LRP1B: variants seen among roughly 807,000 people sequenced by gnomAD.
The protein encoded by LRP1B is low-density lipoprotein receptor-related protein 1B.
In LRP1B, 217 loss-of-function variants were observed where a neutral mutation model predicts 556.6. The observed-to-expected ratio is 0.39, with a 90% confidence interval of 0.35 to 0.44. LRP1B has a LOEUF of 0.44. LRP1B is among the 20% of genes least tolerant of loss of function. LRP1B has a pLI of 1.00. For missense variants in LRP1B, 5,053 were observed against 5,620.8 expected, an observed-to-expected ratio of 0.90 and a Z score of 3.23; for synonymous variants, 2,047 against 1,865.8, an observed-to-expected ratio of 1.10 and a Z score of -2.50.
At chr2:140,608,624 C>A (rs1054690239) in intron 41 of LRP1B, among the ~76,000 whole-genome samples, 1 of 152,150 alleles carries the variant, frequency 6.6e-6, no homozygotes, top group African/African-American at 2.4e-5. Flanking sequence ...TTATTGTCAT[C>A]CCCCAAGCAG....
At chr2:141,325,524 G>A (rs1687401520) in intron 3 of LRP1B, among the ~76,000 whole-genome samples, 1 of 152,092 alleles carries the variant, frequency 6.6e-6, no homozygotes, top group South Asian at 2.1e-4. Context: ...AGTTCTGTTT[G>A]TTGTTTAGAT....
At chr2:141,749,841 CTGGGGA>C (rs933912736) in intron 2 of LRP1B, among the ~76,000 whole-genome samples, 1 of 152,078 alleles carries the variant, frequency 6.6e-6, no homozygotes, top group Non-Finnish European at 1.5e-5. Flanking sequence ...GTAAAATATC[CTGGGGA>C]TTGAAGGTGA....
At chr2:140,704,330 G>T (rs890006368) in intron 37 of LRP1B, among the ~76,000 whole-genome samples, 6 of 151,948 alleles carry the variant, frequency 3.9e-5, no homozygotes, top group Non-Finnish European at 7.4e-5. Context: ...TTTAATAGTT[G>T]ATATTTTTCT....
intron 32 of LRP1B, among the ~76,000 whole-genome samples, chr2:140,786,440 C>G (rs1036561678): frequency 6.6e-6 from 1 of 152,204 alleles, no homozygotes; most frequent in African/African-American, 2.4e-5. Flanking sequence ...CGCCCCTCCA[C>G]CTGGACAATC....
chr2:141,861,801 G>A (rs1698247735), intron 1 of LRP1B, among the ~76,000 whole-genome samples: 1 of 151,950 alleles, frequency 6.6e-6, no homozygotes, highest in Non-Finnish European at 1.5e-5. Context: ...ATGATGGCAG[G>A]TGCCTATAGT....
chr2:140,292,712 G>A (rs912829979), intron 84 of LRP1B, among the ~76,000 whole-genome samples: 5 of 152,058 alleles, frequency 3.3e-5, no homozygotes, highest in Non-Finnish European at 5.9e-5. Context: ...TGAGTTTATT[G>A]AGAATAGAAA....
chr2:140,733,428 A>T lies in LRP1B; in HGVS notation c.5759-16612T>A, dbSNP rs540044856. On this transcript the variant is annotated intron_variant, in intron 35 of 90. Transcript: ENST00000389484. ...AGCTGTGTATAAGAAAGGCCAAAGTATTATTTTGAATATAAGAGCCAAAAA... is the reference window on the plus strand; with the variant it reads ...AGCTGTGTATAAGAAAGGCCAAAGTTTTATTTTGAATATAAGAGCCAAAAA... Among the ~76,000 whole-genome samples, 12 of 152,284 alleles carry T rather than the reference A, an allele frequency of 7.9e-5. No individual in the cohort carries two copies. The East Asian group carries it at 1.7e-3, about 22-fold the overall frequency.
intron 3 of LRP1B, among the ~76,000 whole-genome samples, chr2:141,352,261 C>CA (rs1019007300): frequency 6.6e-6 from 1 of 151,600 alleles, no homozygotes; most frequent in Admixed American, 6.6e-5. Flanking sequence ...CAAAATTAAA[C>CA]AAAAAATGTA....
At chr2:141,589,384 AG>A (rs1488316515) in intron 2 of LRP1B, among the ~76,000 whole-genome samples, 1 of 152,160 alleles carries the variant, frequency 6.6e-6, no homozygotes, top group Non-Finnish European at 1.5e-5. Context: ...AAAAGTTTGT[AG>A]GTCTGTTTGC....
chr2:140,479,508 A>G (rs1464971512), intron 59 of LRP1B, among the ~76,000 whole-genome samples: 11 of 152,132 alleles, frequency 7.2e-5, no homozygotes, highest in Non-Finnish European at 1.5e-5. Context: ...AACCATAACA[A>G]TAGGCCTCTG....
In LRP1B at chr2:141,111,048, G is replaced by C. The variant is rs138516093; in HGVS notation, c.1014-48775C>G. The stretch of plus-strand genomic sequence containing the variant: ...AAATGGCAAGGCGAAGAGCCAGCCA[G>C]TCACCCCATGAAATAAGCTAAATCA... On this transcript the variant is annotated intron_variant, in intron 7 of 90. Coordinates refer to ENST00000389484, the MANE Select transcript of LRP1B (RefSeq NM_018557.3). Among the ~76,000 whole-genome samples the C allele has an allele frequency of 6.2e-3, 943 of 152,284 alleles. 7 individuals are homozygous for C. The highest frequency in any genetic ancestry group is 9.9e-3 in the Non-Finnish European group (671 of 68,012).
chr2:142,013,185 C>G (rs535697103), intron 1 of LRP1B, among the ~76,000 whole-genome samples: 2 of 151,864 alleles, frequency 1.3e-5, no homozygotes, highest in African/African-American at 4.8e-5. Flanking sequence ...CGCTCATAAT[C>G]CTTATTACTT....
intron 41 of LRP1B, among the ~76,000 whole-genome samples, chr2:140,616,222 C>T (rs2105238015): frequency 6.6e-6 from 1 of 151,872 alleles, no homozygotes; most frequent in South Asian, 2.1e-4. Context: ...GGTACATTGG[C>T]CTACTTAAAA....
At chr2:141,268,171 C>G (rs1003836593) in intron 3 of LRP1B, among the ~76,000 whole-genome samples, 5 of 152,150 alleles carry the variant, frequency 3.3e-5, no homozygotes, top group African/African-American at 1.2e-4. Flanking sequence ...AAAATGCCAA[C>G]TGTGTGTTAA....
rs576593437 is a variant in LRP1B at position 140,325,815 on chromosome 2, C to G, written c.12287G>C (p.Gly4096Ala). The G allele has an allele frequency of 6.2e-7, 1 of 1,613,122 alleles. No homozygotes were observed. Among genetic ancestry groups the G allele is most frequent in the South Asian group, 1.1e-5 (1 of 91,054 alleles). ...YWADFELSII[G>A]SVLYDGSNSV... ...ATTAGAGCCATCATACAGAACACTGCCAATGATGGAGAGCTCAAAGTCAGC... is the reference window on the plus strand; with the variant it reads ...ATTAGAGCCATCATACAGAACACTGGCAATGATGGAGAGCTCAAAGTCAGC... The change falls in exon 80 of 91, where the codon GGC becomes GCC. Residue 4096 changes from glycine (G) to alanine (A), a missense_variant. Physicochemically the swap from Gly to Ala is moderately conservative, Grantham distance 60 (BLOSUM62 0). Around this residue, in one of 5 missense-constraint regions of LRP1B, gnomAD observed 551 missense variants for 592.0 expected, o/e 0.93. Coordinates refer to ENST00000389484, the MANE Select transcript of LRP1B (RefSeq NM_018557.3).
chr2:141,359,758 GCGCCCCGCCCCGCCC>G (rs371145040), intron 3 of LRP1B, among the ~76,000 whole-genome samples: 1 of 142,160 alleles, frequency 7.0e-6, no homozygotes, highest in Non-Finnish European at 1.6e-5. Context: ...TTCGGCCCCC[GCGCCCCGCCCCGCCC>G]CGCCCCGCCC....
At chr2:141,675,978 G>A (rs2105421065) in intron 2 of LRP1B, among the ~76,000 whole-genome samples, 3 of 152,090 alleles carry the variant, frequency 2.0e-5, no homozygotes, top group Middle Eastern at 6.8e-3. Flanking sequence ...ATGATTTGAA[G>A]TTTACACCCA....
intron 41 of LRP1B, among the ~76,000 whole-genome samples, chr2:140,609,682 A>C (rs1682999379): frequency 6.6e-6 from 1 of 152,136 alleles, no homozygotes; most frequent in Non-Finnish European, 1.5e-5. Flanking sequence ...TTTTGCATAT[A>C]ATCATCAGTA....
At chr2:140,369,426 A>T (rs1419446234) in intron 71 of LRP1B, among the ~76,000 whole-genome samples, 1 of 151,942 alleles carries the variant, frequency 6.6e-6, no homozygotes, top group East Asian at 1.9e-4. Context: ...TGTCATCCCC[A>T]AACCTTTGAA....
Sources: allele counts gnomAD v4.1 joint callset (sites outside exome capture counted in the v4.1 genomes callset), GRCh38; gene constraint gnomAD v4.1.1; regional missense constraint gnomAD v4.1.1; transcripts MANE v1.5; gene names NCBI Gene and HGNC (gene_info 2026-07-23, HGNC 2026-07-21).